The following CLUL1 variants were observed in gnomAD, a reference collection of about 807,000 sequenced individuals.
CLUL1 encodes clusterin like 1, also known as clusterin-like protein 1.
CLUL1 carries 43 observed loss-of-function variants against 49.4 expected under a neutral mutation model. That is an observed-to-expected ratio of 0.87 (90% CI 0.68 to 1.12). The LOEUF (loss-of-function observed/expected upper bound fraction) is 1.12, where lower values mean the gene tolerates loss of function less well. CLUL1 is among the 50% of genes most tolerant of loss of function. The pLI, the probability that CLUL1 is intolerant of heterozygous loss-of-function variation, is 0.00. For missense variants in CLUL1, 486 were observed against 544.4 expected (o/e 0.89, Z 1.07); for synonymous variants, 192 against 184.9 (o/e 1.04, Z -0.31).
intron 1 of CLUL1, among the ~76,000 whole-genome samples, chr18:601,948 TG>T (rs1297171667): frequency 6.6e-6 from 1 of 151,872 alleles, no homozygotes; most frequent in Non-Finnish European, 1.5e-5. Flanking sequence ...GGGTCAGGCG[TG>T]GTGGCTCATG....
rs962662521 is a variant in CLUL1 at position 606,855 on chromosome 18, C to T, written c.-135-123C>T. 5 of 495,674 alleles carry T rather than the reference C, an allele frequency of 1.0e-5. No individual in the cohort carries two copies. Among genetic ancestry groups the T allele is most frequent in the Admixed American group, 6.8e-5 (2 of 29,438 alleles). 30.7% of individuals were successfully genotyped at this position (495,674 alleles called of 1,614,324 possible). On this transcript the variant is annotated intron_variant, in intron 1 of 9. Coordinates refer to ENST00000692774, the MANE Select transcript of CLUL1 (RefSeq NM_001393344.1). The surrounding 1 kb of genome is among the most constrained non-coding windows in gnomAD (Gnocchi z 4.1). ...GGGCATCTGCCTTCCCCCACCAGCA[C>T]CCCCCACAAGGCAAGGCCAGTTCAC...
chr18:625,920 G>A (rs946538937), intron 5 of CLUL1, among the ~76,000 whole-genome samples: 2 of 152,110 alleles, frequency 1.3e-5, no homozygotes, highest in Non-Finnish European at 2.9e-5. Flanking sequence ...AGCTACTGTC[G>A]CCTGCTAATA....
intron 4 of CLUL1, among the ~76,000 whole-genome samples, chr18:619,631 CTT>C (rs2073425019): frequency 2.6e-5 from 4 of 151,850 alleles, no homozygotes; most frequent in Non-Finnish European, 1.5e-5. Flanking sequence ...TTCTTGGTCT[CTT>C]CTGAGTTAGG....
At chr18:613,907 TC>T (rs1323198866) in intron 2 of CLUL1, among the ~76,000 whole-genome samples, 1 of 152,216 alleles carries the variant, frequency 6.6e-6, no homozygotes, top group Non-Finnish European at 1.5e-5. Context: ...ATTTTACAGG[TC>T]ATGTCAAATC....
chr18:610,423 G>A (rs937462965), intron 2 of CLUL1, among the ~76,000 whole-genome samples: 1 of 151,832 alleles, frequency 6.6e-6, no homozygotes, highest in African/African-American at 2.4e-5. Flanking sequence ...TGGATCTGGT[G>A]ACAGGGAGAT....
intron 1 of CLUL1, among the ~76,000 whole-genome samples, chr18:604,211 A>T (rs537732639): frequency 6.6e-6 from 1 of 152,324 alleles, no homozygotes; most frequent in African/African-American, 2.4e-5. Context: ...TTTGAAGTTC[A>T]TCCAAGTTGT....
intron 7 of CLUL1, among the ~76,000 whole-genome samples, chr18:634,354 G>A (rs548174383): frequency 2.0e-5 from 3 of 152,002 alleles, no homozygotes; most frequent in South Asian, 2.1e-4. Context: ...GGCTGGTCTC[G>A]AACTCCTGAC....
rs1032126040 is a variant in CLUL1 at position 645,660 on chromosome 18, G to T, written c.1397+563G>T. ...ATAAAAAAAATTAGCCGGGCGTGGT[G>T]GCGGGCGCCTGTAGTCCCAGCTACT... is the stretch of plus-strand genomic sequence containing the variant. On this transcript the variant is annotated intron_variant, in intron 9 of 9. Coordinates refer to ENST00000692774, the MANE Select transcript of CLUL1 (RefSeq NM_001393344.1). Among the ~76,000 whole-genome samples the T allele has an allele frequency of 3.3e-5, 5 of 149,866 alleles. No individual in the cohort carries two copies. The East Asian group carries it at 5.9e-4, about 18-fold the overall frequency.
In CLUL1 at chr18:619,397, G is replaced by C. The variant is rs1288934446; in HGVS notation, c.255+36G>C. The C allele has an allele frequency of 1.1e-5, 17 of 1,563,432 alleles. 1 individual carries two copies. The Admixed American group carries it at 3.2e-4, about 30-fold the overall frequency. ...TGAAAATAATGTCTGTTCTTACACA[G>C]ATCTGGACCAGAAATACTGCACTTG... On this transcript the variant is annotated intron_variant, in intron 4 of 9. Coordinates refer to ENST00000692774, the MANE Select transcript of CLUL1 (RefSeq NM_001393344.1).
intron 7 of CLUL1, among the ~76,000 whole-genome samples, chr18:635,238 G>A (rs115100197): frequency 0.039 from 6,008 of 152,262 alleles, 284 homozygotes; most frequent in African/African-American, 0.11. Context: ...AGATGGTGGG[G>A]CAGGGGGCAC....
Position 618,192 on chromosome 18 carries a change from A to T in CLUL1, c.106+86A>T, listed in dbSNP as rs955766584. 2.0e-6 allele frequency: 2 copies of T among 1,000,810 alleles called. No individual in the cohort carries two copies. The highest frequency in any genetic ancestry group is 4.0e-5 in the Admixed American group (2 of 50,566). 62.0% of individuals were successfully genotyped at this position (1,000,810 alleles called of 1,614,324 possible). On this transcript the variant is annotated intron_variant, in intron 3 of 9. Coordinates refer to ENST00000692774, the MANE Select transcript of CLUL1 (RefSeq NM_001393344.1). The surrounding 1 kb of genome is among the most constrained non-coding windows in gnomAD (Gnocchi z 4.2). ...TTATAGTGAGTCGCAGTTGAGAGAT[A>T]ACCATATTCGCTGTTTTCACGGTGA...
At chr18:646,181 G>A (rs373688445) in intron 9 of CLUL1, among the ~76,000 whole-genome samples, 19 of 151,784 alleles carry the variant, frequency 1.3e-4, no homozygotes, top group East Asian at 3.9e-4. Context: ...CAAAAAATGC[G>A]AGATATAAAA....
Position 618,721 on chromosome 18 carries a change from G to A in CLUL1, c.107-492G>A, listed in dbSNP as rs2073383740. ...TAAACTTACTAAGGGCTTATTAAAG[G>A]TGTATAAGACACGTCCATTGAGTTA... is the stretch of plus-strand genomic sequence containing the variant. On this transcript the variant is annotated intron_variant, in intron 3 of 9. Transcript: ENST00000692774. This position sits in a 1 kb window ranked among gnomAD's most constrained non-coding sequence, Gnocchi z 4.2. Among the ~76,000 whole-genome samples the A allele has an allele frequency of 6.6e-6, 1 of 152,100 alleles. No homozygotes were observed. Among genetic ancestry groups the A allele is most frequent in the African/African-American group, 2.4e-5 (1 of 41,402 alleles).
At chr18:632,727 C>T (rs1457962165) in intron 6 of CLUL1, among the ~76,000 whole-genome samples, 1 of 152,074 alleles carries the variant, frequency 6.6e-6, no homozygotes, top group African/African-American at 2.4e-5. Flanking sequence ...AAATTACATG[C>T]ATTAATATAT....
chr18:597,906 A>C (rs2072701712), intron 1 of CLUL1: 1 of 152,238 alleles, frequency 6.6e-6, no homozygotes, highest in Admixed American at 6.5e-5. Flanking sequence ...CGAAGTAAAG[A>C]GCTGCAGACA....
intron 2 of CLUL1, among the ~76,000 whole-genome samples, chr18:608,479 T>C (rs1253915424): frequency 2.0e-5 from 3 of 150,990 alleles, no homozygotes; most frequent in Non-Finnish European, 4.4e-5. Context: ...AGAAAAGTCA[T>C]ATTAATTCAC....
chr18:633,224 C>T, intron 6 of CLUL1, 74 bp from the exon 7 acceptor site: 1 of 1,277,286 alleles, frequency 7.8e-7, no homozygotes, highest in Non-Finnish European at 1.1e-6. Flanking sequence ...TAAGAAAAAG[C>T]TGCGGCATTG....
intron 1 of CLUL1, among the ~76,000 whole-genome samples, chr18:601,584 T>C (rs2072830066): frequency 6.6e-6 from 1 of 151,634 alleles, no homozygotes; most frequent in African/African-American, 2.4e-5. Flanking sequence ...GAGTCGGAGG[T>C]TGCAGTGAGC....
intron 7 of CLUL1, among the ~76,000 whole-genome samples, chr18:635,747 A>G (rs2074117091): frequency 6.6e-6 from 1 of 152,000 alleles, no homozygotes; most frequent in Admixed American, 6.6e-5. Flanking sequence ...GAGAAAAGGG[A>G]GGATGGAATT....
Sources: allele counts gnomAD v4.1 joint callset (sites outside exome capture counted in the v4.1 genomes callset), GRCh38; gene constraint gnomAD v4.1.1; non-coding constraint Gnocchi (gnomAD v3.1); transcripts MANE v1.5; gene names NCBI Gene and HGNC (gene_info 2026-07-23, HGNC 2026-07-21).